PDE12: variants seen among roughly 807,000 people sequenced by gnomAD.
The protein encoded by PDE12 is 2',5'-phosphodiesterase 12.
A neutral mutation model predicts 45.4 loss-of-function variants in PDE12; 26 were observed. That is an observed-to-expected ratio of 0.57 (90% CI 0.42 to 0.79). PDE12 has a LOEUF of 0.79. Among genes scored for constraint, PDE12 ranks in the 30% least tolerant of loss-of-function variants. The probability of loss-of-function intolerance (pLI) is 0.00; values close to 1 mark genes in which losing one functional copy is unlikely to be tolerated. For synonymous variants in PDE12, 283 were observed against 323.9 expected, an observed-to-expected ratio of 0.87 and a Z score of 1.36; for missense variants, 668 against 790.0, an observed-to-expected ratio of 0.85 and a Z score of 1.85.
chr3:57,577,138 A>G, the PDE12 span, among the ~76,000 whole-genome samples: 1 of 151,966 alleles, frequency 6.6e-6, no homozygotes, highest in African/African-American at 2.4e-5. Flanking sequence ...AAAACGCTCT[A>G]TAAGAGATTT....
the PDE12 span, chr3:57,655,036 AT>A: frequency 3.4e-3 from 504 of 149,602 alleles, no homozygotes; most frequent in Middle Eastern, 6.8e-3. Context: ...GAAAACAAGA[AT>A]TTTTTTTTTT....
chr3:57,609,934 AAG>A, the PDE12 span, among the ~76,000 whole-genome samples: 1 of 152,124 alleles, frequency 6.6e-6, no homozygotes, highest in Non-Finnish European at 1.5e-5. Flanking sequence ...ACAACAAAAA[AAG>A]AGAATTTTAG....
At chr3:57,630,529 A>T in the PDE12 span, 1 of 1,585,328 alleles carries the variant, frequency 6.3e-7, no homozygotes. Flanking sequence ...AATGCCTATA[A>T]AAATACATTT....
chr3:57,628,085 C>T, the PDE12 span: 1 of 1,289,904 alleles, frequency 7.8e-7, no homozygotes, highest in Admixed American at 2.5e-5. Flanking sequence ...AGTCTTTCTA[C>T]CCTGTAACTA....
At chr3:57,640,550 C>T in the PDE12 span, among the ~76,000 whole-genome samples, 5 of 152,128 alleles carry the variant, frequency 3.3e-5, no homozygotes, top group Admixed American at 1.3e-4. Context: ...TGTACTCCAG[C>T]CTGGGCAACA....
At chr3:57,587,439 C>T in the PDE12 span, among the ~76,000 whole-genome samples, 1 of 151,018 alleles carries the variant, frequency 6.6e-6, no homozygotes, top group African/African-American at 2.4e-5. Context: ...GTAGGTAATC[C>T]AAGTTTTCTT....
the PDE12 span, chr3:57,628,218 G>A: frequency 1.9e-6 from 3 of 1,612,024 alleles, no homozygotes; most frequent in African/African-American, 4.0e-5. Context: ...CAAATATCAT[G>A]TCATGCCCGT....
the PDE12 span, among the ~76,000 whole-genome samples, chr3:57,648,978 A>G: frequency 1.3e-5 from 2 of 152,230 alleles, no homozygotes; most frequent in Non-Finnish European, 2.9e-5. Flanking sequence ...CATGACCAAG[A>G]ACCCAAAAGC....
chr3:57,560,284 G>A lies in PDE12; in HGVS notation c.*280G>A. The stretch of plus-strand genomic sequence containing the variant: ...TCTCCAAATTGAGACTCTCAGAAAA[G>A]GAAGATTGAATTAGCGTGTTTTTTG... On this transcript the variant is annotated 3_prime_UTR_variant, in exon 3 of 3. Coordinates refer to ENST00000311180, the MANE Select transcript of PDE12 (RefSeq NM_177966.7). 8.5e-7 allele frequency: 1 copy of A among 1,180,998 alleles called. No individual in the cohort carries two copies. The highest frequency in any genetic ancestry group is 1.0e-6 in the Non-Finnish European group (1 of 953,412). The allele number at this position is 1,180,998 out of a possible 1,614,324, so 73.2% of individuals were successfully genotyped here.
At chr3:57,640,156 C>T in the PDE12 span, among the ~76,000 whole-genome samples, 4 of 151,710 alleles carry the variant, frequency 2.6e-5, no homozygotes, top group East Asian at 7.8e-4. Context: ...GTAATCCCAG[C>T]TCCTTGGGAG....
chr3:57,565,003 A>C lies in PDE12; in HGVS notation c.*4999A>C, dbSNP rs1368764286. On this transcript the variant is annotated 3_prime_UTR_variant, in exon 3 of 3. Transcript: ENST00000311180. ...GTCAGCACACATTTTTTTTTTTTTT[A>C]AATAAGACAGGGTGTTGCTGTTGCC... 2.0e-5 allele frequency: 3 copies of C among 148,764 alleles called. No individual in the cohort carries two copies. The highest frequency in any genetic ancestry group is 4.4e-5 in the Non-Finnish European group (3 of 67,484). The allele number at this position is 148,764 out of a possible 1,614,324, so 9.2% of individuals were successfully genotyped here.
At chr3:57,635,724 T>C in the PDE12 span, among the ~76,000 whole-genome samples, 2 of 152,354 alleles carry the variant, frequency 1.3e-5, no homozygotes, top group Non-Finnish European at 2.9e-5. Flanking sequence ...TAAAAAATTT[T>C]AAGAGTATGT....
chr3:57,618,612 T>TG, the PDE12 span, among the ~76,000 whole-genome samples: 3 of 119,530 alleles, frequency 2.5e-5, no homozygotes, highest in African/African-American at 5.5e-5. Flanking sequence ...TTTGTGTTTT[T>TG]TTTTTTTTTT....
the PDE12 span, among the ~76,000 whole-genome samples, chr3:57,636,936 C>CA: frequency 0.072 from 3,633 of 50,112 alleles, 138 homozygotes; most frequent in Admixed American, 0.1. Flanking sequence ...GACTCTGTCT[C>CA]AAAAAAAAAA....
At chr3:57,600,371 C>G in the PDE12 span, among the ~76,000 whole-genome samples, 1 of 151,086 alleles carries the variant, frequency 6.6e-6, no homozygotes, top group African/African-American at 2.4e-5. Context: ...CCTTTCTTTT[C>G]TTTCTTTCTC....
the PDE12 span, chr3:57,628,799 T>C: frequency 1.2e-6 from 2 of 1,607,462 alleles, no homozygotes; most frequent in South Asian, 2.2e-5. Flanking sequence ...TTTGGCTGTT[T>C]TGGCTACATA....
chr3:57,592,920 G>A, the PDE12 span, among the ~76,000 whole-genome samples: 3 of 152,106 alleles, frequency 2.0e-5, no homozygotes, highest in African/African-American at 4.8e-5. Context: ...AAGGCTGAGC[G>A]TGTACCAGGT....
At chr3:57,643,551 G>A in the PDE12 span, among the ~76,000 whole-genome samples, 1 of 152,172 alleles carries the variant, frequency 6.6e-6, no homozygotes, top group African/African-American at 2.4e-5. Context: ...GAAAGGGCCA[G>A]GCACGGTGGC....
At chr3:57,588,339 C>A in the PDE12 span, among the ~76,000 whole-genome samples, 3 of 151,508 alleles carry the variant, frequency 2.0e-5, no homozygotes, top group Admixed American at 6.6e-5. Context: ...CTGAGGCAGG[C>A]GGATCGCTTG....
Sources: allele counts gnomAD v4.1 joint callset (sites outside exome capture counted in the v4.1 genomes callset), GRCh38; gene constraint gnomAD v4.1.1; transcripts MANE v1.5; gene names NCBI Gene and HGNC (gene_info 2026-07-23, HGNC 2026-07-21).